PLEKHG5: variants seen among roughly 807,000 people sequenced by gnomAD.
PLEKHG5 encodes pleckstrin homology domain-containing family G member 5.
A neutral mutation model predicts 103.8 loss-of-function variants in PLEKHG5; 52 were observed. That is an observed-to-expected ratio of 0.50 (90% confidence interval 0.40 to 0.63). The LOEUF (loss-of-function observed/expected upper bound fraction) is 0.63. Ranked by LOEUF, PLEKHG5 falls within the 30% of genes least tolerant of loss-of-function variation. The pLI is 0.00. For missense variants in PLEKHG5, 1,205 were observed against 1,347.6 expected (o/e 0.89, Z 1.66); for synonymous variants, 592 against 575.5 (o/e 1.03, Z -0.41).
intron 1 of PLEKHG5, among the ~76,000 whole-genome samples, chr1:6,508,595 C>T (rs1466630601): frequency 6.6e-6 from 1 of 152,224 alleles, no homozygotes; most frequent in Non-Finnish European, 1.5e-5. Flanking sequence ...ACACCTGGGC[C>T]TTTTCCTCGG....
chr1:6,501,539 C>T (rs1645296807), upstream of PLEKHG5, among the ~76,000 whole-genome samples: 1 of 152,226 alleles, frequency 6.6e-6, no homozygotes, highest in Non-Finnish European at 1.5e-5. The surrounding 1 kb of genome is among the most constrained non-coding windows in gnomAD (Gnocchi z 4.3). Context: ...ACTTGCCAAC[C>T]ACCTGCTGGG....
At chr1:6,477,495 T>C in intron 2 of PLEKHG5, 34 bp downstream of exon 2, 1 of 1,604,622 alleles carries the variant, frequency 6.2e-7, no homozygotes, top group Admixed American at 1.7e-5. Flanking sequence ...ACAGGAGCTC[T>C]GGGGGCCGAG....
At position 6,471,585 on chromosome 1, in the gene PLEKHG5, C is replaced by A. The variant is rs779612506; in HGVS notation, c.1184G>T (p.Arg395Leu). ...SNIPEIAQLH[R>L]RLWASVMAPV... ...CGCCATCACGCTAGCCCACAGCCTG[C>A]GGTGCAGCTGCGCGATCTCCGGGAT... Residue 395 changes from arginine (R) to leucine (L), a missense_variant, in exon 12 of 21, where the codon CGC becomes CTC. Arg to Leu is a moderately radical substitution (Grantham distance 102). Transcript: ENST00000377728. The A allele has an allele frequency of 3.8e-6, 6 of 1,599,846 alleles. No individual in the cohort carries two copies. Among genetic ancestry groups the A allele is most frequent in the Non-Finnish European group, 4.3e-6 (5 of 1,174,408 alleles).
chr1:6,481,872 A>C (rs1644911581), intron 1 of PLEKHG5, among the ~76,000 whole-genome samples: 1 of 151,456 alleles, frequency 6.6e-6, no homozygotes, highest in Admixed American at 6.6e-5. Flanking sequence ...TAAAAAAAAA[A>C]AAAAGCCAAA....
rs752621606 is a variant in PLEKHG5 at position 6,468,330 on chromosome 1, T to C, written c.2506A>G (p.Met836Val). 9.9e-6 allele frequency: 16 copies of C among 1,609,580 alleles called. No individual in the cohort carries two copies. Among genetic ancestry groups the C allele is most frequent in the African/African-American group, 4.0e-5 (3 of 74,904 alleles). ...GGGGCCCGAGGCACTAGCTCTGCCA[T>C]TGGGCCTGGGGCCACAAAGTCTTGT... ...SLQDFVAPGP[M>V]AELVPRAPES... Residue 836 changes from methionine (M) to valine (V), a missense_variant, in exon 20 of 21, where the codon ATG (methionine) becomes GTG (valine). Coordinates refer to ENST00000377728, the MANE Select transcript of PLEKHG5 (RefSeq NM_020631.6).
At chr1:6,504,790 C>G (rs1341447514) in intron 1 of PLEKHG5, among the ~76,000 whole-genome samples, 1 of 152,120 alleles carries the variant, frequency 6.6e-6, no homozygotes, top group Non-Finnish European at 1.5e-5. Context: ...AGGCTGGTCT[C>G]GATTCCCTGA....
At position 6,477,538 on chromosome 1, in the gene PLEKHG5, G is replaced by C; in HGVS notation, c.34C>G (p.Pro12Ala). Reference sequence around the variant, plus strand: ...TCCCGCCTGTGCTCACCTTGTGGGGGAAGGTCGAAGCGGACATGCCCATCA... The same window carrying C: ...TCCCGCCTGTGCTCACCTTGTGGGGCAAGGTCGAAGCGGACATGCCCATCA... ...HYDGHVRFDL[P>A]PQGSVLARNV... The change falls in exon 2 of 21, where the codon CCC (proline) becomes GCC (alanine). Residue 12 changes from proline (P) to alanine (A), a missense_variant. By Grantham distance (27) the Pro-to-Ala change is conservative (BLOSUM62 -1). Coordinates refer to ENST00000377728, the MANE Select transcript of PLEKHG5 (RefSeq NM_020631.6). 1 of 1,611,942 alleles carries C rather than the reference G, an allele frequency of 6.2e-7. No individual in the cohort carries two copies. The highest frequency in any genetic ancestry group is 8.5e-7 in the Non-Finnish European group (1 of 1,179,964).
intron 3 of PLEKHG5, 130 bp from the exon 4 acceptor site, chr1:6,475,652 C>T (rs3748835): frequency 1.3e-5 from 11 of 832,662 alleles, no homozygotes; most frequent in African/African-American, 5.0e-5. Context: ...GGATTCAACC[C>T]GGCCAGGCCC....
chr1:6,519,171 C>G (rs961847291), intron 1 of PLEKHG5, among the ~76,000 whole-genome samples: 1 of 152,208 alleles, frequency 6.6e-6, no homozygotes, highest in Admixed American at 6.5e-5. Context: ...CTAGGTCTTT[C>G]TTCTGTCAGG....
intron 1 of PLEKHG5, among the ~76,000 whole-genome samples, chr1:6,517,275 C>A (rs1427774978): frequency 6.7e-6 from 1 of 148,994 alleles, no homozygotes; most frequent in Non-Finnish European, 1.5e-5. Context: ...CCACTGCACT[C>A]CAGCCTGGGT....
chr1:6,491,739 C>T, upstream of PLEKHG5: 2 of 968,516 alleles, frequency 2.1e-6, no homozygotes, highest in Non-Finnish European at 2.5e-6. The surrounding 1 kb of genome is among the most constrained non-coding windows in gnomAD (Gnocchi z 4.1). Flanking sequence ...CCTGACTCAT[C>T]CCTGCCACCT....
In PLEKHG5 at chr1:6,476,749, T is replaced by C. The variant is rs572822512; in HGVS notation, c.44-713A>G. On this transcript the variant is annotated intron_variant, in intron 2 of 20. Coordinates refer to ENST00000377728, the MANE Select transcript of PLEKHG5 (RefSeq NM_020631.6). ...AAGGGGCCCTGGCAGTGGGAGAGAG[T>C]CTTTTGTTTGTTTATTGTTTTTTAA... Among the ~76,000 whole-genome samples the C allele has an allele frequency of 6.6e-5, 10 of 150,668 alleles. No homozygotes were observed. In the South Asian group the frequency reaches 2.1e-3, roughly 32 times the overall value.
chr1:6,508,194 T>C (rs1638376911), intron 1 of PLEKHG5, among the ~76,000 whole-genome samples: 1 of 150,402 alleles, frequency 6.6e-6, no homozygotes, highest in South Asian at 2.1e-4. Context: ...GGGGCCCCAC[T>C]CCCAGGCATC....
At chr1:6,468,774 C>T (rs1404669726) in intron 19 of PLEKHG5, among the ~76,000 whole-genome samples, 188 bp from the exon 20 acceptor site, 1 of 152,184 alleles carries the variant, frequency 6.6e-6, no homozygotes, top group Non-Finnish European at 1.5e-5. Context: ...CAGTAGCGAG[C>T]CCAGCACTCT....
At chr1:6,510,242 T>C (rs1638437561) in intron 1 of PLEKHG5, among the ~76,000 whole-genome samples, 1 of 151,952 alleles carries the variant, frequency 6.6e-6, no homozygotes, top group East Asian at 1.9e-4. Context: ...CTCCTGTCTC[T>C]GTTCTTCTGG....
intron 1 of PLEKHG5, among the ~76,000 whole-genome samples, chr1:6,488,449 G>A (rs974662950): frequency 1.3e-5 from 2 of 152,216 alleles, no homozygotes; most frequent in African/African-American, 4.8e-5. Context: ...CCCAAAGCCA[G>A]CTTGTGGGGA....
chr1:6,502,376 C>T (rs556553176), intron 1 of PLEKHG5, among the ~76,000 whole-genome samples: 1 of 152,244 alleles, frequency 6.6e-6, no homozygotes, highest in Non-Finnish European at 1.5e-5. Context: ...ACTGCTTCTG[C>T]CTACAGCCCA....
chr1:6,508,100 C>A (rs1362453680), intron 1 of PLEKHG5, among the ~76,000 whole-genome samples: 3 of 152,194 alleles, frequency 2.0e-5, no homozygotes, highest in African/African-American at 7.2e-5. Context: ...CCCAGAACAT[C>A]CCCGCCTGGG....
chr1:6,513,741 G>A (rs542648856), intron 1 of PLEKHG5, among the ~76,000 whole-genome samples: 2 of 152,322 alleles, frequency 1.3e-5, no homozygotes, highest in South Asian at 2.1e-4. Flanking sequence ...CCCCATTGTC[G>A]AAACACTGGT....
Sources: allele counts gnomAD v4.1 joint callset (sites outside exome capture counted in the v4.1 genomes callset), GRCh38; gene constraint gnomAD v4.1.1; non-coding constraint Gnocchi (gnomAD v3.1); transcripts MANE v1.5; gene names NCBI Gene and HGNC (gene_info 2026-07-23, HGNC 2026-07-21).